GAREM2: variants seen among roughly 807,000 people sequenced by gnomAD.
The protein encoded by GAREM2 is GRB2 associated regulator of MAPK1 subtype 2.
In GAREM2, 30 loss-of-function variants were observed where a neutral mutation model predicts 55.6. The observed-to-expected ratio is 0.54, with a 90% CI of 0.40 to 0.73. The LOEUF (loss-of-function observed/expected upper bound fraction) is 0.73, where lower values mean the gene tolerates loss of function less well. Ranked by LOEUF, GAREM2 falls within the 30% of genes least tolerant of loss-of-function variation. GAREM2 has a pLI of 0.00. For synonymous variants in GAREM2, 550 were observed against 569.1 expected, an observed-to-expected ratio of 0.97 and a Z score of 0.48; for missense variants, 1,075 against 1,257.7, an observed-to-expected ratio of 0.85 and a Z score of 2.20.
rs1004714188 is a variant in GAREM2, at chr2:26,184,649, G to A, written c.801G>A (p.Val267=). Residue 267 remains valine, a synonymous_variant, in exon 4 of 6, where the codon GTG becomes GTA. Coordinates refer to ENST00000401533, the MANE Select transcript of GAREM2 (RefSeq NM_001168241.2). The part of the protein sequence containing the change: ...IIERVRLPVN[V]LVPSRPPRNP... ...AGCGCGTGAGGCTGCCGGTGAACGT[G>A]CTGGTGCCCAGCCGGCCGCCGCGCA... The A allele has an allele frequency of 1.3e-6, 2 of 1,545,274 alleles. No individual in the cohort carries two copies. Among genetic ancestry groups the A allele is most frequent in the Non-Finnish European group, 1.7e-6 (2 of 1,144,752 alleles).
At chr2:26,185,353 A>C in intron 4 of GAREM2, 77 bp downstream of exon 4, 1 of 1,405,436 alleles carries the variant, frequency 7.1e-7, no homozygotes, top group Non-Finnish European at 9.2e-7. Context: ...CCGGCCCCGG[A>C]GTATGTGGCA....
At position 26,187,522 on chromosome 2, in the gene GAREM2, C is replaced by A; in HGVS notation, c.1890C>A (p.Leu630=). The A allele has an allele frequency of 6.5e-7, 1 of 1,538,300 alleles. No individual in the cohort carries two copies. Among genetic ancestry groups the A allele is most frequent in the Non-Finnish European group, 8.8e-7 (1 of 1,141,272 alleles). The change falls in exon 6 of 6, where the codon CTC becomes CTA. Residue 630 remains leucine, a synonymous_variant. Coordinates refer to ENST00000401533, the MANE Select transcript of GAREM2 (RefSeq NM_001168241.2). ...AGCGCTTTGCTCCGTTTGGAGCTCT[C>A]AACCCTTTTTCCGGGCCTGCCTACC... ...PQKRFAPFGA[L]NPFSGPAYPS... is the part of the protein sequence containing the mutation.
intron 2 of GAREM2, among the ~76,000 whole-genome samples, chr2:26,176,888 C>T (rs948293193): frequency 3.3e-5 from 5 of 152,094 alleles, no homozygotes; most frequent in African/African-American, 7.2e-5. Context: ...CAGAAACCAG[C>T]GAATGCCCAA....
At chr2:26,183,201 G>T in intron 3 of GAREM2, 104 bp downstream of exon 3, 2 of 1,331,912 alleles carry the variant, frequency 1.5e-6, no homozygotes, top group Non-Finnish European at 2.1e-6. Flanking sequence ...AAGAAGGAGA[G>T]CGGCTCCTGG....
chr2:26,190,731 A>G, downstream of GAREM2: 1 of 199,914 alleles, frequency 5.0e-6, no homozygotes, highest in Non-Finnish European at 1.0e-5. Context: ...TGAGCCCACC[A>G]GGTCCCACTT....
At position 26,189,223 on chromosome 2, in the gene GAREM2, G is replaced by A. The variant is rs1038873011; in HGVS notation, c.*966G>A. ...CACTGGCACAGGAGGGTACAGTTGG[G>A]AGAGTGCGTTCCTGGAGCTCAGTCC... On this transcript the variant is annotated 3_prime_UTR_variant, in exon 6 of 6. Coordinates refer to ENST00000401533, the MANE Select transcript of GAREM2 (RefSeq NM_001168241.2). 2 of 152,226 alleles carry A rather than the reference G, an allele frequency of 1.3e-5. No individual in the cohort carries two copies. Among genetic ancestry groups the A allele is most frequent in the African/African-American group, 4.8e-5 (2 of 41,438 alleles). 9.4% of individuals were successfully genotyped at this position (152,226 alleles called of 1,614,324 possible).
the GAREM2 span, chr2:26,197,659 C>G: frequency 1.0e-6 from 1 of 956,854 alleles, no homozygotes; most frequent in Non-Finnish European, 1.7e-6. Flanking sequence ...AGCAATAAAA[C>G]ATCTCAGGGT....
intron 2 of GAREM2, chr2:26,181,274 C>G: frequency 8.4e-6 from 3 of 355,786 alleles, no homozygotes; most frequent in Non-Finnish European, 1.2e-5. Context: ...CTCCCTAAGT[C>G]CTTCCCTGCA....
downstream of GAREM2, chr2:26,191,020 A>G: frequency 1.6e-6 from 1 of 609,740 alleles, no homozygotes. Flanking sequence ...CGGGGCTTAT[A>G]CAATGAGCAG....
chr2:26,174,999 G>A (rs1668814636), intron 1 of GAREM2, among the ~76,000 whole-genome samples: 1 of 152,044 alleles, frequency 6.6e-6, no homozygotes, highest in South Asian at 2.1e-4. Flanking sequence ...ACAGGGGAAA[G>A]CTTAGACAAC....
chr2:26,177,432 T>C lies in GAREM2; in HGVS notation c.253+948T>C, dbSNP rs765232699. ...TCCTCATGGCAACCTGATGAGAAAGTCTTGTCAACTCCATTTAACTCACCA... is the reference window on the plus strand; with the variant it reads ...TCCTCATGGCAACCTGATGAGAAAGCCTTGTCAACTCCATTTAACTCACCA... On this transcript the variant is annotated intron_variant, in intron 2 of 5. Coordinates refer to ENST00000401533, the MANE Select transcript of GAREM2 (RefSeq NM_001168241.2). Among the ~76,000 whole-genome samples, 14 of 152,332 alleles carry C rather than the reference T, an allele frequency of 9.2e-5. No homozygotes were observed. The Middle Eastern group carries it at 0.01, about 111-fold the overall frequency.
rs1558310402 is a variant in GAREM2, at chr2:26,187,494, A to G, written c.1862A>G (p.Gln621Arg). ...CPPLFKPSHP[Q>R]KRFAPFGALN... ...CCTCTATTCAAGCCCTCACATCCCC[A>G]GAAGCGCTTTGCTCCGTTTGGAGCT... Residue 621 changes from glutamine to arginine, a missense_variant, in exon 6 of 6, where the codon CAG (glutamine) becomes CGG (arginine). Physicochemically the swap from Gln to Arg is conservative, Grantham distance 43. Coordinates refer to ENST00000401533, the MANE Select transcript of GAREM2 (RefSeq NM_001168241.2). 3 of 1,546,094 alleles carry G rather than the reference A, an allele frequency of 1.9e-6. No homozygotes were observed. Among genetic ancestry groups the G allele is most frequent in the Non-Finnish European group, 2.6e-6 (3 of 1,144,406 alleles).
downstream of GAREM2, among the ~76,000 whole-genome samples, chr2:26,193,034 G>C (rs1186035594): frequency 6.6e-6 from 1 of 152,138 alleles, no homozygotes. Context: ...TGCCAAGACA[G>C]AAAGTCACTT....
intron 3 of GAREM2, 138 bp downstream of exon 3, chr2:26,183,235 C>A: frequency 1.2e-6 from 1 of 846,692 alleles, no homozygotes; most frequent in East Asian, 2.7e-5. Flanking sequence ...GTCTTTGGCA[C>A]AATCAAGCCA....
intron 1 of GAREM2, among the ~76,000 whole-genome samples, chr2:26,175,520 G>C (rs1435161870): frequency 6.8e-6 from 1 of 146,302 alleles, no homozygotes; most frequent in East Asian, 4.6e-4. Context: ...GCTTCTCTGA[G>C]ATGGGGTTGG....
chr2:26,185,369 G>A, intron 4 of GAREM2, 93 bp downstream of exon 4: 2 of 1,389,328 alleles, frequency 1.4e-6, no homozygotes, highest in South Asian at 3.1e-5. Context: ...TGGCAGACGA[G>A]GTGTCTTCCT....
At position 26,188,593 on chromosome 2, in the gene GAREM2, T is replaced by C. The variant is rs929287660; in HGVS notation, c.*336T>C. On this transcript the variant is annotated 3_prime_UTR_variant, in exon 6 of 6. Coordinates refer to ENST00000401533, the MANE Select transcript of GAREM2 (RefSeq NM_001168241.2). ...CCTAACACCACCTCATGCCCTGCTATAGACCTTCACAAACGACTTCCACTG... is the reference window on the plus strand; with the variant it reads ...CCTAACACCACCTCATGCCCTGCTACAGACCTTCACAAACGACTTCCACTG... 8.2e-6 allele frequency: 2 copies of C among 242,846 alleles called. No individual in the cohort carries two copies. Among genetic ancestry groups the C allele is most frequent in the Non-Finnish European group, 1.6e-5 (2 of 127,260 alleles). 15.0% of individuals were successfully genotyped at this position (242,846 alleles called of 1,614,324 possible). A position where few individuals can be genotyped will look rare whatever the true frequency, so the allele number is the denominator to read the frequency against.
rs1407204831 is a variant in GAREM2 at position 26,187,506 on chromosome 2, C to T, written c.1874C>T (p.Ala625Val). 1.9e-6 allele frequency: 3 copies of T among 1,543,868 alleles called. No individual in the cohort carries two copies. Among genetic ancestry groups the T allele is most frequent in the South Asian group, 1.2e-5 (1 of 82,760 alleles). The change falls in exon 6 of 6, where the codon GCT becomes GTT. Residue 625 changes from alanine to valine, a missense_variant. By Grantham distance (64) the Ala-to-Val change is moderately conservative. Around this residue, in one of 6 missense-constraint regions of GAREM2, gnomAD observed 515 missense variants for 501.5 expected, o/e 1.03. Transcript: ENST00000401533. ...CCCTCACATCCCCAGAAGCGCTTTGCTCCGTTTGGAGCTCTCAACCCTTTT... is the reference window on the plus strand; with the variant it reads ...CCCTCACATCCCCAGAAGCGCTTTGTTCCGTTTGGAGCTCTCAACCCTTTT... Reference protein sequence around the residue: ...FKPSHPQKRFAPFGALNPFSG... With the variant: ...FKPSHPQKRFVPFGALNPFSG...
chr2:26,192,389 C>G, downstream of GAREM2: 3 of 1,607,220 alleles, frequency 1.9e-6, no homozygotes, highest in Middle Eastern at 3.3e-4. Flanking sequence ...TTCACACCCT[C>G]CTGATAGATG....
Sources: gnomAD v4.1 joint callset for allele counts (sites outside exome capture counted in the v4.1 genomes callset) on GRCh38, gnomAD v4.1.1 for gene constraint, gnomAD v4.1.1 regional missense constraint, MANE v1.5 for transcripts, NCBI Gene and HGNC (gene_info 2026-07-23, HGNC 2026-07-21) for gene names.